The following ABCA13 variants were observed in gnomAD, a reference collection of about 807,000 sequenced individuals.
ABCA13 encodes ATP-binding cassette sub-family A member 13.
Under a neutral mutation model 478.7 loss-of-function variants are expected in ABCA13, and 476 were observed. That is an observed-to-expected ratio of 0.99 (90% CI 0.92 to 1.07). The LOEUF is 1.07. Ranked by LOEUF, ABCA13 falls within the 50% of genes least tolerant of loss-of-function variation. The pLI is 0.00. For synonymous variants in ABCA13, 2,252 were observed against 2,158.9 expected (o/e 1.04, Z -1.20); for missense variants, 6,060 against 5,910.6 (o/e 1.03, Z -0.83).
At chr7:48,381,306 G>T (rs997073879) in intron 35 of ABCA13, among the ~76,000 whole-genome samples, 7 of 152,082 alleles carry the variant, frequency 4.6e-5, no homozygotes. Flanking sequence ...CTCCAGATGG[G>T]AGGTAGGAGG....
At chr7:48,311,808 G>A (rs1801822628) in intron 24 of ABCA13, among the ~76,000 whole-genome samples, 1 of 152,226 alleles carries the variant, frequency 6.6e-6, no homozygotes, top group Admixed American at 6.5e-5. Flanking sequence ...TGCAGGTGCA[G>A]CTCATTCCCA....
At chr7:48,417,300 T>A (rs1032166409) in intron 41 of ABCA13, among the ~76,000 whole-genome samples, 1 of 152,144 alleles carries the variant, frequency 6.6e-6, no homozygotes, top group Admixed American at 6.5e-5. Flanking sequence ...TATGCCTCAA[T>A]CTTTTCAACA....
chr7:48,272,697 T>C lies in ABCA13; in HGVS notation c.3031T>C (p.Phe1011Leu). 6.2e-7 allele frequency: 1 copy of C among 1,612,158 alleles called. No individual in the cohort carries two copies. ...QFNFQNISKA[F>L]AFLFKTAEVL... Reference sequence around the variant, plus strand: ...TAATTTCCAAAACATCAGTAAAGCATTTGCATTTTTATTTAAGACAGCAGA... The same window carrying C: ...TAATTTCCAAAACATCAGTAAAGCACTTGCATTTTTATTTAAGACAGCAGA... Residue 1011 changes from phenylalanine (F) to leucine (L), a missense_variant, in exon 17 of 62, where the codon TTT becomes CTT. Transcript: ENST00000435803.
chr7:48,528,391 GC>G, intron 55 of ABCA13, 46 bp downstream of exon 55: 1 of 1,319,630 alleles, frequency 7.6e-7, no homozygotes, highest in Non-Finnish European at 1.0e-6. Flanking sequence ...GAGATAATAA[GC>G]CCAGAGAACC....
intron 51 of ABCA13, among the ~76,000 whole-genome samples, chr7:48,511,810 A>G (rs535592519): frequency 6.6e-6 from 1 of 152,300 alleles, no homozygotes; most frequent in Admixed American, 6.5e-5. Flanking sequence ...CTAACTACAT[A>G]AGAGATGCTT....
chr7:48,411,032 T>TTTCTTTCTTTC (rs1159206605), intron 40 of ABCA13, among the ~76,000 whole-genome samples: 2 of 118,784 alleles, frequency 1.7e-5, no homozygotes, highest in Admixed American at 9.1e-5. Context: ...TCTTTCTTTC[T>TTTCTTTCTTTC]TTCTTTCTTT....
intron 55 of ABCA13, among the ~76,000 whole-genome samples, chr7:48,562,627 T>G (rs1009133278): frequency 3.9e-5 from 6 of 152,160 alleles, no homozygotes; most frequent in Non-Finnish European, 1.5e-5. Context: ...GTCAGGATTT[T>G]CTGAAGAGTG....
chr7:48,603,052 A>C (rs1252650762), intron 58 of ABCA13, among the ~76,000 whole-genome samples: 1 of 152,120 alleles, frequency 6.6e-6, no homozygotes. Flanking sequence ...GTATATAGGA[A>C]TGTTTGTAAT....
chr7:48,350,905 A>G, intron 30 of ABCA13, 86 bp downstream of exon 30: 1 of 1,340,832 alleles, frequency 7.5e-7, no homozygotes, highest in Non-Finnish European at 1.0e-6. Context: ...AAGGTGTCTT[A>G]TGATAGCTCA....
intron 15 of ABCA13, among the ~76,000 whole-genome samples, chr7:48,268,527 T>C (rs1044871411): frequency 6.6e-6 from 1 of 152,204 alleles, no homozygotes; most frequent in Non-Finnish European, 1.5e-5. Flanking sequence ...GTGTTGATTA[T>C]TACTCATCTG....
intron 46 of ABCA13, among the ~76,000 whole-genome samples, chr7:48,482,052 T>A (rs930181482): frequency 6.6e-6 from 1 of 152,184 alleles, no homozygotes; most frequent in Non-Finnish European, 1.5e-5. Flanking sequence ...TATATTTTTT[T>A]AAATGTTAAC....
chr7:48,349,774 G>T (rs939381942), intron 29 of ABCA13, among the ~76,000 whole-genome samples: 96 of 152,198 alleles, frequency 6.3e-4, no homozygotes, highest in African/African-American at 2.1e-3. Context: ...ATGGAGGGTG[G>T]AAATGAGCAC....
chr7:48,596,671 G>T (rs1019875577), intron 58 of ABCA13, among the ~76,000 whole-genome samples: 1 of 151,812 alleles, frequency 6.6e-6, no homozygotes, highest in African/African-American at 2.4e-5. Flanking sequence ...GGTGGCGGGC[G>T]CCTGTAGTCC....
chr7:48,313,039 G>A (rs1362160890), intron 24 of ABCA13, 28 bp from the exon 25 acceptor site: 1 of 1,520,140 alleles, frequency 6.6e-7, no homozygotes, highest in African/African-American at 1.4e-5. Flanking sequence ...GTTATTTCAT[G>A]TTGTTTTGTT....
intron 31 of ABCA13, among the ~76,000 whole-genome samples, chr7:48,360,125 T>C (rs985543552): frequency 2.6e-5 from 4 of 151,968 alleles, no homozygotes; most frequent in African/African-American, 9.7e-5. Context: ...TGTGCCATGT[T>C]GGTGTGCTGC....
intron 1 of ABCA13, among the ~76,000 whole-genome samples, chr7:48,179,256 A>G (rs1795313238): frequency 6.6e-6 from 1 of 152,148 alleles, no homozygotes. Flanking sequence ...ATGAGATTGT[A>G]TTGGAGGCCG....
intron 58 of ABCA13, among the ~76,000 whole-genome samples, chr7:48,602,248 T>C (rs1485348049): frequency 6.6e-6 from 1 of 152,204 alleles, no homozygotes; most frequent in South Asian, 2.1e-4. Context: ...TTTGTCAATT[T>C]TGGATTTTGT....
chr7:48,556,883 T>C (rs1785890692), intron 55 of ABCA13, among the ~76,000 whole-genome samples: 2 of 152,010 alleles, frequency 1.3e-5, no homozygotes. Flanking sequence ...ATCTTTCTTT[T>C]ATTCCTTTAT....
chr7:48,273,006 A>T lies in ABCA13; in HGVS notation c.3340A>T (p.Thr1114Ser). The change falls in exon 17 of 62, where the codon ACA becomes TCA. Residue 1114 changes from threonine to serine, a missense_variant. Physicochemically the swap from Thr to Ser is moderately conservative, Grantham distance 58. Coordinates refer to ENST00000435803, the MANE Select transcript of ABCA13 (RefSeq NM_152701.5). ...ACACATTTCTTCCGTAAATTATTCA[A>T]CAAGTGAGGAGTCTTCATTTGTTTT... The part of the protein sequence containing the change: ...NKHISSVNYS[T>S]SEESSFVFPL... 6.2e-7 allele frequency: 1 copy of T among 1,613,686 alleles called. No individual in the cohort carries two copies. Among genetic ancestry groups the T allele is most frequent in the Non-Finnish European group, 8.5e-7 (1 of 1,179,740 alleles).
Sources: allele counts gnomAD v4.1 joint callset (sites outside exome capture counted in the v4.1 genomes callset), GRCh38; gene constraint gnomAD v4.1.1; transcripts MANE v1.5; gene names NCBI Gene and HGNC (gene_info 2026-07-23, HGNC 2026-07-21).